Variants in GTPBP1 observed in about 807,000 individuals in gnomAD.
GTPBP1 encodes the protein GTP-binding protein 1.
Under a neutral mutation model 62.0 loss-of-function variants are expected in GTPBP1, and 23 were observed. That is an observed-to-expected ratio of 0.37 (90% CI 0.27 to 0.53). GTPBP1 has a LOEUF of 0.53. Ranked by LOEUF, GTPBP1 falls within the 20% of genes least tolerant of loss-of-function variation. The pLI, the probability that GTPBP1 is intolerant of heterozygous loss-of-function variation, is 0.89. For synonymous variants in GTPBP1, 344 were observed against 364.4 expected, an observed-to-expected ratio of 0.94 and a Z score of 0.64; for missense variants, 640 against 917.3, an observed-to-expected ratio of 0.70 and a Z score of 3.90.
intron 6 of GTPBP1, among the ~76,000 whole-genome samples, chr22:38,724,888 C>CT (rs1266915771): frequency 6.6e-6 from 1 of 152,200 alleles, no homozygotes; most frequent in Non-Finnish European, 1.5e-5. Flanking sequence ...TTAATGTATT[C>CT]TTTCATTCCA....
chr22:38,735,461 GA>G, downstream of GTPBP1: 1 of 298,350 alleles, frequency 3.4e-6, no homozygotes, highest in Non-Finnish European at 6.6e-6. Context: ...CATACCCTGG[GA>G]GAATGTGGAA....
intron 5 of GTPBP1, chr22:38,723,623 C>G (rs1396177720): frequency 5.9e-6 from 3 of 506,838 alleles, no homozygotes; most frequent in Non-Finnish European, 7.0e-6. Flanking sequence ...TGAACACAGC[C>G]TAGAATTATC....
At chr22:38,738,301 G>C (rs1249220727), downstream of GTPBP1, 2 of 1,566,830 alleles carry the variant, frequency 1.3e-6, no homozygotes, top group Non-Finnish European at 1.8e-6. This position sits in a 1 kb window ranked among gnomAD's most constrained non-coding sequence, Gnocchi z 6.6. Flanking sequence ...GGAGGGGCTG[G>C]AGCAGGGAGA....
chr22:38,721,085 T>C (rs2092697928), intron 4 of GTPBP1, among the ~76,000 whole-genome samples: 1 of 152,154 alleles, frequency 6.6e-6, no homozygotes, highest in African/African-American at 2.4e-5. Flanking sequence ...TTCTTTTTTT[T>C]GTAGGGTGGG....
chr22:38,735,353 AC>A (rs1379163259), downstream of GTPBP1: 16 of 403,688 alleles, frequency 4.0e-5, no homozygotes, highest in East Asian at 1.2e-3. Flanking sequence ...GCACCCCGAT[AC>A]CCTGAACGTC....
intron 4 of GTPBP1, 115 bp from the exon 5 acceptor site, chr22:38,721,627 A>G: frequency 1.2e-6 from 1 of 845,632 alleles, no homozygotes; most frequent in South Asian, 1.8e-5. Context: ...GTCAGGGGTT[A>G]ACGTGATTTT....
At chr22:38,736,318 G>C (rs748074497), downstream of GTPBP1, 7 of 1,613,994 alleles carry the variant, frequency 4.3e-6, no homozygotes, top group Non-Finnish European at 3.4e-6. Flanking sequence ...AGGTGTACTC[G>C]GGGTGGCCCC....
chr22:38,741,151 C>G (rs148089427), downstream of GTPBP1: 5 of 1,337,252 alleles, frequency 3.7e-6, no homozygotes, highest in African/African-American at 7.2e-5. Flanking sequence ...TAACCACACC[C>G]CTGCCCAAGG....
downstream of GTPBP1, chr22:38,742,305 A>C: frequency 4.4e-6 from 7 of 1,598,814 alleles, no homozygotes; most frequent in South Asian, 7.7e-5. Context: ...TCCTACCTGG[A>C]TGCGAGCAGC....
downstream of GTPBP1, chr22:38,740,927 G>A (rs780852272): frequency 1.4e-6 from 2 of 1,419,310 alleles, no homozygotes; most frequent in South Asian, 2.5e-5. The surrounding 1 kb of genome is among the most constrained non-coding windows in gnomAD (Gnocchi z 4.8). Flanking sequence ...TCTGCTCTGC[G>A]GCTCTGCTCC....
chr22:38,709,140 C>T (rs1043023917), intron 2 of GTPBP1, among the ~76,000 whole-genome samples, 184 bp downstream of exon 2: 9 of 151,942 alleles, frequency 5.9e-5, no homozygotes, highest in South Asian at 2.1e-4. Context: ...AAAAATTAGC[C>T]GGGCGCTAAT....
downstream of GTPBP1, chr22:38,739,393 G>A (rs2092835149): frequency 3.1e-6 from 5 of 1,613,168 alleles, no homozygotes; most frequent in Non-Finnish European, 4.2e-6. The surrounding 1 kb of genome is among the most constrained non-coding windows in gnomAD (Gnocchi z 6.7). Context: ...TCACTGTAGC[G>A]CTGCAGGGCC....
chr22:38,738,743 G>T (rs1179496851), downstream of GTPBP1: 3 of 1,613,474 alleles, frequency 1.9e-6, no homozygotes, highest in South Asian at 1.1e-5. This position sits in a 1 kb window ranked among gnomAD's most constrained non-coding sequence, Gnocchi z 6.6. Context: ...AGTTGCCTGG[G>T]TGCACATCTG....
chr22:38,709,929 C>A (rs954036472), intron 2 of GTPBP1, among the ~76,000 whole-genome samples: 2 of 152,232 alleles, frequency 1.3e-5, no homozygotes, highest in Non-Finnish European at 2.9e-5. Flanking sequence ...TCACAACAAT[C>A]CCAGAGTATA....
chr22:38,708,351 A>G (rs1424156463), intron 1 of GTPBP1, among the ~76,000 whole-genome samples: 1 of 152,230 alleles, frequency 6.6e-6, no homozygotes, highest in Non-Finnish European at 1.5e-5. Flanking sequence ...GGCAGTTTTC[A>G]TTCCCAAATA....
At chr22:38,736,102 C>A, downstream of GTPBP1, 1 of 716,374 alleles carries the variant, frequency 1.4e-6, no homozygotes, top group South Asian at 1.6e-5. Flanking sequence ...CGCCTCGAGC[C>A]ACCTGCTGCT....
chr22:38,736,212 C>T (rs748133609), downstream of GTPBP1: 13 of 1,502,600 alleles, frequency 8.7e-6, no homozygotes, highest in East Asian at 2.3e-5. Flanking sequence ...GGGGAAGCGG[C>T]GGGGTGCTGT....
rs773864981 is a variant in GTPBP1 at position 38,729,557 on chromosome 22, G to A, written c.1812G>A (p.Glu604=). 2 of 1,603,406 alleles carry A rather than the reference G, an allele frequency of 1.2e-6. No homozygotes were observed. The highest frequency in any genetic ancestry group is 2.2e-5 in the South Asian group (2 of 89,814). Residue 604 remains glutamate, a synonymous_variant, in exon 11 of 12, where the codon GAG becomes GAA. Coordinates refer to ENST00000216044, the MANE Select transcript of GTPBP1 (RefSeq NM_004286.5). ...AGGGCCCCCTGACGAAACGAGACGA[G>A]GGGGGCCCGTCTGGTGGGCCAGCAG... is the stretch of plus-strand genomic sequence containing the variant. ...TKKGPLTKRD[E]GGPSGGPAVG...
chr22:38,736,186 G>A (rs377680508), downstream of GTPBP1: 95 of 1,323,964 alleles, frequency 7.2e-5, no homozygotes, highest in African/African-American at 6.2e-4. Flanking sequence ...AAGTCAGAGC[G>A]CCGAGCAAGC....
Sources: gnomAD v4.1 joint callset for allele counts (sites outside exome capture counted in the v4.1 genomes callset) on GRCh38, gnomAD v4.1.1 for gene constraint, Gnocchi (gnomAD v3.1) non-coding constraint, MANE v1.5 for transcripts, NCBI Gene and HGNC (gene_info 2026-07-23, HGNC 2026-07-21) for gene names.